The following DNM1 variants were observed in gnomAD, a reference collection of about 807,000 sequenced individuals.
DNM1 encodes the protein dynamin 1.
In DNM1, 29 loss-of-function variants were observed where a neutral mutation model predicts 104.6. That is an observed-to-expected ratio of 0.28 (90% confidence interval 0.21 to 0.38). DNM1 has a LOEUF of 0.38. Among genes scored for constraint, DNM1 ranks in the 10% least tolerant of loss-of-function variants. The pLI is 1.00. For synonymous variants in DNM1, 445 were observed against 475.8 expected, an observed-to-expected ratio of 0.94 and a Z score of 0.84; for missense variants, 640 against 1,189.4, an observed-to-expected ratio of 0.54 and a Z score of 6.79.
At chr9:128,223,479 T>C (rs1835142384) in intron 9 of DNM1, 1 of 152,464 alleles carries the variant, frequency 6.6e-6, no homozygotes, top group South Asian at 2.1e-4. Flanking sequence ...TGCCAAGCAG[T>C]GAACAAGACC....
In DNM1 at chr9:128,247,563, T is replaced by A; in HGVS notation, c.1893+77T>A. On this transcript the variant is annotated intron_variant, in intron 17 of 21. Transcript: ENST00000372923. The surrounding 1 kb of genome is among the most constrained non-coding windows in gnomAD (Gnocchi z 5.1). ...GGGCACCATCCTCAGTGATGCCAAGTCATGCCATGTTTCCGAGCCCTTATT... is the reference window on the plus strand; with the variant it reads ...GGGCACCATCCTCAGTGATGCCAAGACATGCCATGTTTCCGAGCCCTTATT... The A allele has an allele frequency of 8.5e-7, 1 of 1,172,792 alleles. No individual in the cohort carries two copies. The highest frequency in any genetic ancestry group is 1.3e-5 in the South Asian group (1 of 76,362). 72.6% of individuals were successfully genotyped at this position (1,172,792 alleles called of 1,614,324 possible). A position where few individuals can be genotyped will look rare whatever the true frequency, so the allele number is the denominator to read the frequency against.
At chr9:128,239,588 G>GTGTT (rs1836238176) in intron 12 of DNM1, 73 bp downstream of exon 12, 1 of 1,178,622 alleles carries the variant, frequency 8.5e-7, no homozygotes, top group Non-Finnish European at 1.2e-6. Context: ...GTGTGTGTGT[G>GTGTT]TGTGTGTGTG....
chr9:128,220,742 C>CGCGCGCGTGTGTGT lies in DNM1; in HGVS notation c.849+402_849+403insCGCGCGTGTGTGTG, dbSNP rs61020870. The stretch of plus-strand genomic sequence containing the variant: ...CAGAACTGAAGTGCGCGCGCGCGCG[C>CGCGCGCGTGTGTGT]GTGTGTGTGTGTGTGTGTGTGTGTG... On this transcript the variant is annotated intron_variant, in intron 6 of 21. Coordinates refer to ENST00000372923, the MANE Select transcript of DNM1 (RefSeq NM_004408.4). The surrounding 1 kb of genome is among the most constrained non-coding windows in gnomAD (Gnocchi z 5.2). Among the ~76,000 whole-genome samples, 22 of 136,364 alleles carry CGCGCGCGTGTGTGT rather than the reference C, an allele frequency of 1.6e-4. No homozygotes were observed. Among genetic ancestry groups the CGCGCGCGTGTGTGT allele is most frequent in the South Asian group, 2.8e-4 (1 of 3,542 alleles). 89.5% of individuals were successfully genotyped at this position (136,364 alleles called of 152,430 possible). A position where few individuals can be genotyped will look rare whatever the true frequency, so the allele number is the denominator to read the frequency against.
intron 10 of DNM1, among the ~76,000 whole-genome samples, chr9:128,228,044 T>G (rs1000102936): frequency 7.9e-5 from 12 of 151,556 alleles, no homozygotes; most frequent in Admixed American, 3.9e-4. Context: ...TGTTTGTTTG[T>G]TTTTGGTTTT....
rs757154946 is a variant in DNM1 at position 128,246,540 on chromosome 9, C to G, written c.1781+37C>G. On this transcript the variant is annotated intron_variant, in intron 16 of 21. Transcript: ENST00000372923. ...CCCCTGGCTGTGGCTGCTGCAGCCC[C>G]AAAACCACCCTCACTGAGTAGAAGC... 4.0e-6 allele frequency: 6 copies of G among 1,489,542 alleles called. No homozygotes were observed. In the East Asian group the frequency reaches 1.1e-4, roughly 28 times the overall value. The allele number at this position is 1,489,542 out of a possible 1,614,324, so 92.3% of individuals were successfully genotyped here. A position where few individuals can be genotyped will look rare whatever the true frequency, so the allele number is the denominator to read the frequency against.
intron 15 of DNM1, 147 bp from the exon 16 acceptor site, chr9:128,246,247 G>A (rs1030969513): frequency 1.7e-5 from 11 of 644,446 alleles, no homozygotes; most frequent in Non-Finnish European, 2.3e-5. Context: ...CCTACGGTCC[G>A]TGGCCAGGCT....
chr9:128,252,107 C>G (rs71497684), intron 21 of DNM1: 1 of 204,336 alleles, frequency 4.9e-6, no homozygotes, highest in African/African-American at 2.4e-5. Flanking sequence ...GCCTCAGCAT[C>G]CCTTCTATCA....
intron 1 of DNM1, among the ~76,000 whole-genome samples, chr9:128,214,954 G>A (rs1271810827): frequency 1.3e-5 from 2 of 152,252 alleles, no homozygotes; most frequent in South Asian, 4.1e-4. Context: ...CCCTTAAACA[G>A]AGGGCTAAAG....
chr9:128,250,378 G>A (rs1829436792), intron 20 of DNM1, 22 bp downstream of exon 20: 1 of 1,549,168 alleles, frequency 6.5e-7, no homozygotes, highest in Non-Finnish European at 8.7e-7. Context: ...GGCCCCCACG[G>A]CCCCAAAGCC....
chr9:128,212,324 C>T (rs370520434), intron 1 of DNM1, among the ~76,000 whole-genome samples: 1 of 152,276 alleles, frequency 6.6e-6, no homozygotes, highest in Admixed American at 6.5e-5. Context: ...AAATAAGGAT[C>T]CATAGCTGGG....
At chr9:128,225,701 G>C (rs1027632747) in intron 10 of DNM1, among the ~76,000 whole-genome samples, 1 of 152,110 alleles carries the variant, frequency 6.6e-6, no homozygotes, top group Non-Finnish European at 1.5e-5. Flanking sequence ...AGGAGCAGGG[G>C]AGCATCCCTG....
rs762733307 is a variant in DNM1, at chr9:128,222,352, C to G, written c.992+13C>G. 2.5e-6 allele frequency: 4 copies of G among 1,611,046 alleles called. 1 individual carries two copies. In the South Asian group the frequency reaches 3.3e-5, roughly 13 times the overall value. On this transcript the variant is annotated intron_variant, in intron 7 of 21. Transcript: ENST00000372923. The surrounding 1 kb of genome is among the most constrained non-coding windows in gnomAD (Gnocchi z 7.8). ...AGGCCCTGCTGCAGTGAGGCTCCCC[C>G]AGCTCCTATCACTGAATCCCCGCCC...
chr9:128,254,450 C>T lies in DNM1; in HGVS notation c.2535-204C>T, dbSNP rs1371051972. The T allele has an allele frequency of 6.8e-5, 100 of 1,473,954 alleles. No individual in the cohort carries two copies. Among genetic ancestry groups the T allele is most frequent in the Non-Finnish European group, 8.1e-5 (91 of 1,120,782 alleles). 91.3% of individuals were successfully genotyped at this position (1,473,954 alleles called of 1,614,324 possible). On this transcript the variant is annotated intron_variant, in intron 21 of 21. Coordinates refer to ENST00000372923, the MANE Select transcript of DNM1 (RefSeq NM_004408.4). The surrounding 1 kb of genome is among the most constrained non-coding windows in gnomAD (Gnocchi z 6.1). ...CCCCCAGGCGCTATCTGTGAAGCTA[C>T]GGCTCCTCCCTCCATCTTCCTCCCC...
intron 12 of DNM1, 102 bp downstream of exon 12, chr9:128,239,617 T>TGTGTGTGG: frequency 8.8e-7 from 1 of 1,137,692 alleles, no homozygotes; most frequent in Non-Finnish European, 1.3e-6. Context: ...TGTGTGTGTG[T>TGTGTGTGG]AGAGCCCAGG....
In DNM1 at chr9:128,218,323, C is replaced by T; in HGVS notation, c.235+19C>T. Reference sequence around the variant, plus strand: ...ACCACAGGTACGTGCCCTCCTTCACCAGCAGCCAGGCCTGCCCACTCCAGC... The same window carrying T: ...ACCACAGGTACGTGCCCTCCTTCACTAGCAGCCAGGCCTGCCCACTCCAGC... On this transcript the variant is annotated intron_variant, in intron 2 of 21. Coordinates refer to ENST00000372923, the MANE Select transcript of DNM1 (RefSeq NM_004408.4). The surrounding 1 kb of genome is among the most constrained non-coding windows in gnomAD (Gnocchi z 4.8). The T allele has an allele frequency of 6.2e-7, 1 of 1,613,750 alleles. No individual in the cohort carries two copies. The highest frequency in any genetic ancestry group is 1.3e-5 in the African/African-American group (1 of 75,026).
intron 1 of DNM1, among the ~76,000 whole-genome samples, chr9:128,216,593 C>T: frequency 6.6e-6 from 1 of 152,206 alleles, no homozygotes; most frequent in East Asian, 1.9e-4. Context: ...GCTTACCATC[C>T]TTCTCCTTCT....
intron 19 of DNM1, 108 bp from the exon 20 acceptor site, chr9:128,250,007 C>T (rs1829416018): frequency 7.2e-6 from 11 of 1,523,490 alleles, no homozygotes; most frequent in South Asian, 4.7e-5. Context: ...GTGTAGGAGC[C>T]GCGTCTGAAA....
chr9:128,252,944 T>G, intron 21 of DNM1: 1 of 738,380 alleles, frequency 1.4e-6, no homozygotes, highest in Admixed American at 2.0e-5. Context: ...CGTATGCGTG[T>G]TGTTTGTGGG....
rs1229078871 is a variant in DNM1, at chr9:128,220,960, C to CTTCT, written c.849+632_849+635dup. ...TTTCTTTTCTTTCTTTCTTTCCTTT[C>CTTCT]TTCTTTCTTTCTTTCTCTTTCTTTC... On this transcript the variant is annotated intron_variant, in intron 6 of 21. Coordinates refer to ENST00000372923, the MANE Select transcript of DNM1 (RefSeq NM_004408.4). This position sits in a 1 kb window ranked among gnomAD's most constrained non-coding sequence, Gnocchi z 5.2. The CTTCT allele has an allele frequency of 1.3e-4, 12 of 93,428 alleles. No individual in the cohort carries two copies. Among genetic ancestry groups the CTTCT allele is most frequent in the Non-Finnish European group, 1.9e-4 (8 of 41,682 alleles). The allele number at this position is 93,428 out of a possible 1,614,324, so 5.8% of individuals were successfully genotyped here.
Sources: gnomAD v4.1 joint callset for allele counts (sites outside exome capture counted in the v4.1 genomes callset) on GRCh38, gnomAD v4.1.1 for gene constraint, Gnocchi (gnomAD v3.1) non-coding constraint, MANE v1.5 for transcripts, NCBI Gene and HGNC (gene_info 2026-07-23, HGNC 2026-07-21) for gene names.